GRK5: variants seen among roughly 807,000 people sequenced by gnomAD.
The protein encoded by GRK5 is g protein-coupled receptor kinase GRK5.
In GRK5, 40 loss-of-function variants were observed where a neutral mutation model predicts 78.4. That is an observed-to-expected ratio of 0.51 (90% CI 0.40 to 0.66). The LOEUF (loss-of-function observed/expected upper bound fraction) is 0.66, where lower values mean the gene tolerates loss of function less well. Ranked by LOEUF, GRK5 falls within the 30% of genes least tolerant of loss-of-function variation. The probability of loss-of-function intolerance (pLI) is 0.00; values close to 1 mark genes in which losing one functional copy is unlikely to be tolerated. For missense variants in GRK5, 598 were observed against 759.9 expected (o/e 0.79, Z 2.50); for synonymous variants, 289 against 296.8 (o/e 0.97, Z 0.27).
Position 119,411,842 on chromosome 10 carries a change from C to CTTT in GRK5, c.340-11300_340-11298dup, listed in dbSNP as rs10578557. Among the ~76,000 whole-genome samples the CTTT allele has an allele frequency of 1.6e-3, 152 of 95,980 alleles. 14 individuals are homozygous for CTTT. Among genetic ancestry groups the CTTT allele is most frequent in the East Asian group, 3.8e-3 (13 of 3,464 alleles). 63.0% of individuals were successfully genotyped at this position (95,980 alleles called of 152,430 possible). On this transcript the variant is annotated intron_variant, in intron 4 of 15. Coordinates refer to ENST00000392870, the MANE Select transcript of GRK5 (RefSeq NM_005308.3). Reference sequence around the variant, plus strand: ...CCTCAGCTTCATTGCAGATCTGCTTCTTTTTTTTTTTTTTTTTTTTTTTTT... The same window carrying CTTT: ...CCTCAGCTTCATTGCAGATCTGCTTCTTTTTTTTTTTTTTTTTTTTTTTTTTTT...
Position 119,336,932 on chromosome 10 carries a change from C to T in GRK5, c.148+10321C>T, listed in dbSNP as rs1850899066. Among the ~76,000 whole-genome samples, 1 of 152,156 alleles carries T rather than the reference C, an allele frequency of 6.6e-6. No homozygotes were observed. Among genetic ancestry groups the T allele is most frequent in the Non-Finnish European group, 1.5e-5 (1 of 68,028 alleles). Reference sequence around the variant, plus strand: ...CTTTGCGGTGTTAGTCTCACCTCCCCACTACGGCCGGAAGCTCCTTGAAAG... The same window carrying T: ...CTTTGCGGTGTTAGTCTCACCTCCCTACTACGGCCGGAAGCTCCTTGAAAG... On this transcript the variant is annotated intron_variant, in intron 2 of 15. Coordinates refer to ENST00000392870, the MANE Select transcript of GRK5 (RefSeq NM_005308.3). The surrounding 1 kb of genome is among the most constrained non-coding windows in gnomAD (Gnocchi z 4.5).
At chr10:119,285,437 C>T (rs1017084527) in intron 1 of GRK5, among the ~76,000 whole-genome samples, 1 of 152,136 alleles carries the variant, frequency 6.6e-6, no homozygotes, top group African/African-American at 2.4e-5. Context: ...CAGCCCTGGC[C>T]CAGACAGTTT....
At chr10:119,374,656 C>T (rs1445768009) in intron 2 of GRK5, among the ~76,000 whole-genome samples, 1 of 152,166 alleles carries the variant, frequency 6.6e-6, no homozygotes, top group Admixed American at 6.5e-5. Flanking sequence ...ACATTCATTA[C>T]CAAGGAAGTG....
intron 1 of GRK5, among the ~76,000 whole-genome samples, chr10:119,241,575 T>C (rs1307832764): frequency 6.6e-6 from 1 of 152,154 alleles, no homozygotes; most frequent in Non-Finnish European, 1.5e-5. Flanking sequence ...ATTGTGAAAA[T>C]TGGCATAGTG....
chr10:119,337,472 G>A (rs1001704566), intron 2 of GRK5, among the ~76,000 whole-genome samples: 2 of 152,158 alleles, frequency 1.3e-5, no homozygotes, highest in African/African-American at 4.8e-5. Context: ...GGAGGGAGAA[G>A]CTGTTTCAGG....
intron 13 of GRK5, among the ~76,000 whole-genome samples, chr10:119,451,535 T>C (rs1313072721): frequency 6.6e-6 from 1 of 152,172 alleles, no homozygotes; most frequent in African/African-American, 2.4e-5. Context: ...GCGCTGAGCA[T>C]GTGAATGATG....
chr10:119,360,186 G>A (rs965403376), intron 2 of GRK5, among the ~76,000 whole-genome samples: 3 of 152,104 alleles, frequency 2.0e-5, no homozygotes, highest in East Asian at 3.8e-4. Flanking sequence ...GGCTGAAGGA[G>A]GCTGAAGGAC....
At chr10:119,209,228 G>GT (rs1257832391) in intron 1 of GRK5, among the ~76,000 whole-genome samples, 1 of 152,130 alleles carries the variant, frequency 6.6e-6, no homozygotes, top group African/African-American at 2.4e-5. Flanking sequence ...ATAGCCTTCC[G>GT]TGGGCAGCGT....
intron 3 of GRK5, among the ~76,000 whole-genome samples, chr10:119,392,506 G>C (rs944418534): frequency 3.9e-5 from 6 of 152,294 alleles, no homozygotes; most frequent in South Asian, 4.1e-4. Flanking sequence ...GAGTTCAATC[G>C]ATTCTCCTGC....
chr10:119,376,352 C>A (rs1475712678), intron 2 of GRK5, among the ~76,000 whole-genome samples: 3 of 152,124 alleles, frequency 2.0e-5, no homozygotes, highest in Admixed American at 2.0e-4. Context: ...AGATGTGTCC[C>A]TTCCCACTGA....
chr10:119,217,614 C>T lies in GRK5; in HGVS notation c.52+9645C>T, dbSNP rs1379393638. ...CCCCCAAGGGACTGGATGTGAAGCC[C>T]CATGGGTGGTGGTGGTGGGGACAGT... On this transcript the variant is annotated intron_variant, in intron 1 of 15. Transcript: ENST00000392870. The surrounding 1 kb of genome is among the most constrained non-coding windows in gnomAD (Gnocchi z 4.1). Among the ~76,000 whole-genome samples the T allele has an allele frequency of 2.6e-5, 4 of 152,202 alleles. No individual in the cohort carries two copies. The highest frequency in any genetic ancestry group is 2.9e-5 in the Non-Finnish European group (2 of 68,024).
At chr10:119,373,254 G>A (rs1384474956) in intron 2 of GRK5, among the ~76,000 whole-genome samples, 2 of 152,208 alleles carry the variant, frequency 1.3e-5, no homozygotes, top group African/African-American at 2.4e-5. Context: ...ACAGATTTCT[G>A]GGCCCTACCA....
intron 1 of GRK5, among the ~76,000 whole-genome samples, chr10:119,323,060 A>G (rs1037216210): frequency 6.6e-6 from 1 of 152,378 alleles, no homozygotes; most frequent in East Asian, 1.9e-4. Context: ...ACAAAAGAAC[A>G]TGTATGATTC....
At chr10:119,348,439 C>G (rs1181607744) in intron 2 of GRK5, among the ~76,000 whole-genome samples, 1 of 152,222 alleles carries the variant, frequency 6.6e-6, no homozygotes, top group Non-Finnish European at 1.5e-5. Flanking sequence ...GGAGAAGAAG[C>G]TCCCTGCTCG....
In GRK5 at chr10:119,334,274, G is replaced by A. The variant is rs569946055; in HGVS notation, c.148+7663G>A. ...TGAGCTATGAATGTGCTGCTGCACC[G>A]CTCCAGCCTAGGTGACAGAGCGAGA... On this transcript the variant is annotated intron_variant, in intron 2 of 15. Coordinates refer to ENST00000392870, the MANE Select transcript of GRK5 (RefSeq NM_005308.3). Among the ~76,000 whole-genome samples the A allele has an allele frequency of 8.5e-5, 13 of 152,250 alleles. No individual in the cohort carries two copies. In the South Asian group the frequency reaches 1.5e-3, roughly 17 times the overall value.
intron 1 of GRK5, among the ~76,000 whole-genome samples, chr10:119,291,305 C>G (rs1215809136): frequency 6.6e-6 from 1 of 152,162 alleles, no homozygotes; most frequent in African/African-American, 2.4e-5. Flanking sequence ...AAGCTACACC[C>G]AGCTAGACCC....
chr10:119,364,658 C>T (rs780953740), intron 2 of GRK5, among the ~76,000 whole-genome samples: 4 of 152,244 alleles, frequency 2.6e-5, no homozygotes, highest in Non-Finnish European at 4.4e-5. Context: ...TTCAGAACCC[C>T]GGGCCCCCAT....
At position 119,455,539 on chromosome 10, in the gene GRK5, CA is replaced by C. The variant is rs5788355; in HGVS notation, c.*485del. ...GGCATTTTAGCGGGGAGGGGGTTAT[CA>C]AAAAAAAAAAAATGTGACTCAAGAC... On this transcript the variant is annotated 3_prime_UTR_variant, in exon 16 of 16. Transcript: ENST00000392870. 0.19 allele frequency: 41,207 copies of C among 221,606 alleles called. 967 individuals are homozygous for C. Among genetic ancestry groups the C allele is most frequent in the East Asian group, 0.33 (2,088 of 6,294 alleles). The allele number at this position is 221,606 out of a possible 1,614,324, so 13.7% of individuals were successfully genotyped here. A position where few individuals can be genotyped will look rare whatever the true frequency, so the allele number is the denominator to read the frequency against.
chr10:119,270,419 G>A (rs979680649), intron 1 of GRK5, among the ~76,000 whole-genome samples: 6 of 152,230 alleles, frequency 3.9e-5, no homozygotes, highest in Admixed American at 2.0e-4. Context: ...TATACACATA[G>A]CACTTACATT....
Sources: gnomAD v4.1 joint callset for allele counts (sites outside exome capture counted in the v4.1 genomes callset) on GRCh38, gnomAD v4.1.1 for gene constraint, Gnocchi (gnomAD v3.1) non-coding constraint, MANE v1.5 for transcripts, NCBI Gene and HGNC (gene_info 2026-07-23, HGNC 2026-07-21) for gene names.